The following TMOD3 variants were observed in gnomAD, a reference collection of about 807,000 sequenced individuals.
The protein encoded by TMOD3 is tropomodulin-3.
In TMOD3, 20 loss-of-function variants were observed where a neutral mutation model predicts 39.2. The ratio of observed to expected loss-of-function variants is 0.51; its 90% CI spans 0.36 to 0.74. The LOEUF is 0.74. Among genes scored for constraint, TMOD3 ranks in the 30% least tolerant of loss-of-function variants. The probability of loss-of-function intolerance (pLI) is 0.00; values close to 1 mark genes in which losing one functional copy is unlikely to be tolerated. For missense variants in TMOD3, 381 were observed against 412.8 expected (o/e 0.92, Z 0.67); for synonymous variants, 143 against 145.8 (o/e 0.98, Z 0.14).
chr15:51,830,494 A>G (rs1249770799), intron 1 of TMOD3, among the ~76,000 whole-genome samples: 1 of 152,222 alleles, frequency 6.6e-6, no homozygotes, highest in African/African-American at 2.4e-5. Flanking sequence ...GATTACAAAC[A>G]GAAATGGGAA....
At chr15:51,883,072 T>A (rs1310958936) in intron 3 of TMOD3, among the ~76,000 whole-genome samples, 1 of 152,194 alleles carries the variant, frequency 6.6e-6, no homozygotes, top group Non-Finnish European at 1.5e-5. Context: ...TTTTGTATTT[T>A]AAAAAACACA....
At chr15:51,853,228 G>A (rs2056371265) in intron 1 of TMOD3, among the ~76,000 whole-genome samples, 1 of 152,182 alleles carries the variant, frequency 6.6e-6, no homozygotes, top group East Asian at 1.9e-4. Context: ...TTAAGACAGA[G>A]TCTCACTCTG....
intron 1 of TMOD3, among the ~76,000 whole-genome samples, chr15:51,837,629 C>T (rs2056293025): frequency 6.6e-6 from 1 of 152,130 alleles, no homozygotes; most frequent in Non-Finnish European, 1.5e-5. Context: ...TGGACCAAGG[C>T]AGATGTGTAG....
chr15:51,865,013 T>C (rs2056438299), intron 2 of TMOD3, among the ~76,000 whole-genome samples: 2 of 151,980 alleles, frequency 1.3e-5, no homozygotes, highest in African/African-American at 4.8e-5. Context: ...TAGAGCCCAA[T>C]TCTCACTCTG....
intron 9 of TMOD3, among the ~76,000 whole-genome samples, chr15:51,908,282 A>G (rs1307291633): frequency 1.3e-5 from 2 of 152,206 alleles, no homozygotes; most frequent in Non-Finnish European, 2.9e-5. Context: ...TTCAGTAAAC[A>G]AATGACTTGG....
At chr15:51,902,189 A>C (rs1183002937) in intron 9 of TMOD3, among the ~76,000 whole-genome samples, 153 bp downstream of exon 9, 1 of 152,184 alleles carries the variant, frequency 6.6e-6, no homozygotes, top group Non-Finnish European at 1.5e-5. Context: ...ATTGAATTCA[A>C]GTTCAATTAA....
At chr15:51,840,288 C>T (rs2056306991) in intron 1 of TMOD3, among the ~76,000 whole-genome samples, 2 of 152,122 alleles carry the variant, frequency 1.3e-5, no homozygotes, top group African/African-American at 4.8e-5. Context: ...CGCTTAATTG[C>T]TTATGTTATG....
intron 1 of TMOD3, among the ~76,000 whole-genome samples, chr15:51,849,265 C>T (rs2056349837): frequency 6.6e-6 from 1 of 152,074 alleles, no homozygotes; most frequent in African/African-American, 2.4e-5. Context: ...AAAAACATGG[C>T]AAGAGCAGGT....
intron 3 of TMOD3, among the ~76,000 whole-genome samples, chr15:51,881,550 CTTTTTTTTTTTTTTT>C (rs753814979): frequency 3.2e-5 from 2 of 61,828 alleles, no homozygotes; most frequent in African/African-American, 6.9e-5. Context: ...TTCTTTATTT[CTTTTTTTTTTTTTTT>C]TTTTTTTTTT....
chr15:51,840,834 G>A (rs1399161394), intron 1 of TMOD3, among the ~76,000 whole-genome samples: 1 of 152,178 alleles, frequency 6.6e-6, no homozygotes, highest in African/African-American at 2.4e-5. Context: ...ACACTTTTGT[G>A]TTTTGGTTAC....
intron 1 of TMOD3, among the ~76,000 whole-genome samples, chr15:51,853,675 G>A (rs1281601531): frequency 6.6e-6 from 1 of 151,832 alleles, no homozygotes; most frequent in Admixed American, 6.6e-5. Flanking sequence ...TGGGCATGAT[G>A]TCTTATGCTG....
chr15:51,840,397 A>G (rs144101046), intron 1 of TMOD3, among the ~76,000 whole-genome samples: 70 of 152,330 alleles, frequency 4.6e-4, no homozygotes, highest in African/African-American at 1.6e-3. Context: ...GATAATGACT[A>G]TTAGCTAACA....
At position 51,910,954 on chromosome 15, in the gene TMOD3, A is replaced by G. The variant is rs910353236; in HGVS notation, c.*2144A>G. On this transcript the variant is annotated 3_prime_UTR_variant, in exon 10 of 10. Coordinates refer to ENST00000308580, the MANE Select transcript of TMOD3 (RefSeq NM_014547.5). ...ATCCCTCTCCCTTCCTACCTTCTCT[A>G]TTTACCTATTTCTCTCCCTCCCTCT... The G allele has an allele frequency of 9.3e-5, 14 of 150,652 alleles. No homozygotes were observed. The highest frequency in any genetic ancestry group is 4.2e-4 in the South Asian group (2 of 4,754). The allele number at this position is 150,652 out of a possible 1,614,324, so 9.3% of individuals were successfully genotyped here.
chr15:51,863,467 C>T (rs1231803763), intron 2 of TMOD3, among the ~76,000 whole-genome samples: 1 of 152,218 alleles, frequency 6.6e-6, no homozygotes, highest in African/African-American at 2.4e-5. Flanking sequence ...CATTTCCAGA[C>T]ATTGGTAGAA....
chr15:51,893,979 T>G (rs1372669935), intron 6 of TMOD3, 34 bp downstream of exon 6: 1 of 1,504,706 alleles, frequency 6.6e-7, no homozygotes, highest in African/African-American at 1.4e-5. Context: ...TTTGTATTGC[T>G]TTGAGTTAGT....
intron 1 of TMOD3, chr15:51,860,157 G>T (rs933834442): frequency 4.2e-6 from 2 of 470,714 alleles, no homozygotes; most frequent in South Asian, 3.3e-5. Context: ...TCACCTTGCC[G>T]CATAATCCCA....
At position 51,888,109 on chromosome 15, in the gene TMOD3, G is replaced by A. The variant is rs1407248864; in HGVS notation, c.406+398G>A. Among the ~76,000 whole-genome samples the A allele has an allele frequency of 2.0e-5, 3 of 152,146 alleles. No homozygotes were observed. In the East Asian group the frequency reaches 5.8e-4, roughly 29 times the overall value. Reference sequence around the variant, plus strand: ...GAGATGAGTAACTAGAAAGTAGATTGAAACAGTCAGTCCTGAGCTATACTC... The same window carrying A: ...GAGATGAGTAACTAGAAAGTAGATTAAAACAGTCAGTCCTGAGCTATACTC... On this transcript the variant is annotated intron_variant, in intron 4 of 9. Transcript: ENST00000308580.
chr15:51,830,106 C>T (rs550489819), intron 1 of TMOD3, among the ~76,000 whole-genome samples: 2 of 152,226 alleles, frequency 1.3e-5, no homozygotes, highest in Non-Finnish European at 2.9e-5. Flanking sequence ...GCGGCCCGGG[C>T]GCCCGGGTTC....
At chr15:51,887,791 C>T in intron 4 of TMOD3, 80 bp downstream of exon 4, 1 of 1,549,512 alleles carries the variant, frequency 6.5e-7, no homozygotes. Flanking sequence ...ATACATTATA[C>T]AAACGTTTGC....
Sources: gnomAD v4.1 joint callset for allele counts (sites outside exome capture counted in the v4.1 genomes callset) on GRCh38, gnomAD v4.1.1 for gene constraint, MANE v1.5 for transcripts, NCBI Gene and HGNC (gene_info 2026-07-23, HGNC 2026-07-21) for gene names.